MYO16: variants seen among roughly 807,000 people sequenced by gnomAD.
The protein encoded by MYO16 is unconventional myosin-XVI.
In MYO16, 94 loss-of-function variants were observed where a neutral mutation model predicts 205.3. The ratio of observed to expected loss-of-function variants is 0.46; its 90% CI spans 0.39 to 0.54. The LOEUF (loss-of-function observed/expected upper bound fraction) is 0.54. Ranked by LOEUF, MYO16 falls within the 20% of genes least tolerant of loss-of-function variation. MYO16 has a pLI of 0.00. For missense variants in MYO16, 2,315 were observed against 2,387.5 expected, an observed-to-expected ratio of 0.97 and a Z score of 0.63; for synonymous variants, 988 against 954.0, an observed-to-expected ratio of 1.04 and a Z score of -0.66.
the MYO16 span, among the ~76,000 whole-genome samples, chr13:108,558,662 C>T: frequency 2.8e-4 from 42 of 152,258 alleles, no homozygotes; most frequent in South Asian, 8.7e-3. Context: ...GAAATTTTTC[C>T]AACACCAGCT....
Position 109,127,859 on chromosome 13 carries a change from T to TAAAA in MYO16, c.4051+325_4051+328dup, listed in dbSNP as rs34317737. ...ATGTAAAGGTTCACCAATGAGAAAG[T>TAAAA]AAAAAAAAAAAAAAAAAAACTGCTT... On this transcript the variant is annotated intron_variant, in intron 31 of 34. Coordinates refer to ENST00000457511, the MANE Select transcript of MYO16 (RefSeq NM_001198950.3). The surrounding 1 kb of genome is among the most constrained non-coding windows in gnomAD (Gnocchi z 4.2). Among the ~76,000 whole-genome samples the TAAAA allele has an allele frequency of 1.5e-4, 20 of 132,634 alleles. No individual in the cohort carries two copies. Among genetic ancestry groups the TAAAA allele is most frequent in the African/African-American group, 2.0e-4 (7 of 35,418 alleles). 87.0% of individuals were successfully genotyped at this position (132,634 alleles called of 152,430 possible). A position where few individuals can be genotyped will look rare whatever the true frequency, so the allele number is the denominator to read the frequency against.
intron 12 of MYO16, among the ~76,000 whole-genome samples, chr13:108,877,920 A>G (rs1319453995): frequency 1.3e-5 from 2 of 152,218 alleles, no homozygotes; most frequent in East Asian, 3.8e-4. Context: ...GTACCATTCT[A>G]TATGCTTGTC....
In MYO16 at chr13:109,127,466, A is replaced by G; in HGVS notation, c.3967A>G (p.Lys1323Glu). Reference protein sequence around the residue: ...SPRKQPPPKPKRDPNTRLSAS... With the variant: ...SPRKQPPPKPERDPNTRLSAS... ...ACGGAAACAGCCCCCGCCCAAGCCAAAGAGGGACCCCAACACCCGGCTGAG... is the reference window on the plus strand; with the variant it reads ...ACGGAAACAGCCCCCGCCCAAGCCAGAGAGGGACCCCAACACCCGGCTGAG... Residue 1323 changes from lysine (K) to glutamate (E), a missense_variant, in exon 31 of 35, where the codon AAG becomes GAG. By Grantham distance (56) the Lys-to-Glu change is moderately conservative (BLOSUM62 1). Transcript: ENST00000457511. This position sits in a 1 kb window ranked among gnomAD's most constrained non-coding sequence, Gnocchi z 4.2. 1 of 1,613,962 alleles carries G rather than the reference A, an allele frequency of 6.2e-7. No homozygotes were observed. Among genetic ancestry groups the G allele is most frequent in the Non-Finnish European group, 8.5e-7 (1 of 1,179,978 alleles).
intron 22 of MYO16, among the ~76,000 whole-genome samples, chr13:109,012,259 G>A (rs908650733): frequency 7.2e-5 from 11 of 152,110 alleles, no homozygotes; most frequent in Non-Finnish European, 1.3e-4. Context: ...ACTGGTCCAC[G>A]GCCTGTGAGG....
chr13:108,880,691 C>G (rs1330230220), intron 12 of MYO16, among the ~76,000 whole-genome samples: 1 of 152,092 alleles, frequency 6.6e-6, no homozygotes, highest in African/African-American at 2.4e-5. Context: ...GGTATTATTT[C>G]CGGGGGCTCT....
At chr13:109,008,707 C>A (rs1885489228) in intron 21 of MYO16, among the ~76,000 whole-genome samples, 190 bp from the exon 22 acceptor site, 1 of 148,490 alleles carries the variant, frequency 6.7e-6, no homozygotes, top group Non-Finnish European at 1.5e-5. Flanking sequence ...TACTGTCTAT[C>A]TTGTGTATGC....
chr13:109,038,082 C>T (rs1224621539), intron 23 of MYO16, among the ~76,000 whole-genome samples: 1 of 152,180 alleles, frequency 6.6e-6, no homozygotes, highest in Non-Finnish European at 1.5e-5. Context: ...TTTCTGTAGA[C>T]AGTGAGGATT....
At position 109,125,133 on chromosome 13, in the gene MYO16, G is replaced by A. The variant is rs774397303; in HGVS notation, c.3557G>A (p.Arg1186His). Reference protein sequence around the residue: ...CQKVIRGFLARQHLLQRISIR... With the variant: ...CQKVIRGFLAHQHLLQRISIR... ...AAAGTTATCAGAGGATTTTTAGCAC[G>A]CCAGCACCTGCTTCAGAGAATAAGC... Residue 1186 changes from arginine to histidine, a missense_variant, in exon 30 of 35, where the codon CGC becomes CAC. Arg to His is a conservative substitution (Grantham distance 29). This residue lies in a region of MYO16 where 1,097 missense variants were observed against 1,092.0 expected (regional missense o/e 1.00). Coordinates refer to ENST00000457511, the MANE Select transcript of MYO16 (RefSeq NM_001198950.3). The surrounding 1 kb of genome is among the most constrained non-coding windows in gnomAD (Gnocchi z 4.0). 2.7e-5 allele frequency: 43 copies of A among 1,613,928 alleles called. No homozygotes were observed. Among genetic ancestry groups the A allele is most frequent in the Middle Eastern group, 1.6e-4 (1 of 6,084 alleles).
At chr13:108,689,504 T>C (rs1265314511) in intron 2 of MYO16, among the ~76,000 whole-genome samples, 1 of 152,120 alleles carries the variant, frequency 6.6e-6, no homozygotes, top group Non-Finnish European at 1.5e-5. Context: ...TTTACTTGAG[T>C]GACCCATAAG....
At chr13:108,691,429 A>G (rs1882892501) in intron 2 of MYO16, among the ~76,000 whole-genome samples, 2 of 152,106 alleles carry the variant, frequency 1.3e-5, no homozygotes, top group African/African-American at 4.8e-5. Flanking sequence ...AGAGAGAGAT[A>G]GAGAGAGAGA....
chr13:108,676,981 T>C (rs1007726402), intron 2 of MYO16, among the ~76,000 whole-genome samples: 1 of 152,116 alleles, frequency 6.6e-6, no homozygotes, highest in African/African-American at 2.4e-5. Context: ...TTCCTTGAAG[T>C]GTAATCTCTG....
chr13:109,127,416 A>T lies in MYO16; in HGVS notation c.3917A>T (p.Asp1306Val), dbSNP rs754734343. Reference sequence around the variant, plus strand: ...TCGCTGCACTCGGTGTTCAGCATGGATGACAGCAGCAGCCTCCCGTCTCCA... The same window carrying T: ...TCGCTGCACTCGGTGTTCAGCATGGTTGACAGCAGCAGCCTCCCGTCTCCA... The part of the protein sequence containing the change: ...SPSLHSVFSM[D>V]DSSSLPSPRK... The change falls in exon 31 of 35, where the codon GAT becomes GTT. Residue 1306 changes from aspartate (D) to valine (V), a missense_variant. Coordinates refer to ENST00000457511, the MANE Select transcript of MYO16 (RefSeq NM_001198950.3). The surrounding 1 kb of genome is among the most constrained non-coding windows in gnomAD (Gnocchi z 4.2). 1.9e-6 allele frequency: 3 copies of T among 1,613,998 alleles called. No homozygotes were observed. The highest frequency in any genetic ancestry group is 1.7e-6 in the Non-Finnish European group (2 of 1,180,000).
At chr13:109,042,719 T>C (rs1031027115) in intron 23 of MYO16, among the ~76,000 whole-genome samples, 10 of 152,212 alleles carry the variant, frequency 6.6e-5, no homozygotes, top group Admixed American at 6.5e-4. Flanking sequence ...GCTTTTAAAG[T>C]TGGAGGGCCC....
intron 4 of MYO16, among the ~76,000 whole-genome samples, chr13:108,738,985 T>TTTG (rs1884802571): frequency 6.6e-6 from 1 of 151,980 alleles, no homozygotes; most frequent in African/African-American, 2.4e-5. Flanking sequence ...TTTTCCATTT[T>TTTG]CTTGGTAGAT....
At chr13:108,540,698 C>A in the MYO16 span, among the ~76,000 whole-genome samples, 1 of 152,060 alleles carries the variant, frequency 6.6e-6, no homozygotes, top group South Asian at 2.1e-4. Context: ...ACACCAATTT[C>A]TTCAACTGCT....
rs1017073285 is a variant in MYO16, at chr13:109,162,147, T to C, written c.5165-2754T>C. Among the ~76,000 whole-genome samples the C allele has an allele frequency of 6.6e-6, 1 of 152,044 alleles. No homozygotes were observed. The highest frequency in any genetic ancestry group is 1.5e-5 in the Non-Finnish European group (1 of 68,006). On this transcript the variant is annotated intron_variant, in intron 32 of 34. Coordinates refer to ENST00000457511, the MANE Select transcript of MYO16 (RefSeq NM_001198950.3). The surrounding 1 kb of genome is among the most constrained non-coding windows in gnomAD (Gnocchi z 4.6). ...ATAGTTTAACCTGCCAATTGAAAAA[T>C]AGAAATACGTTTAAACTTTAATTGC...
chr13:109,105,067 A>G (rs538816257), intron 28 of MYO16, among the ~76,000 whole-genome samples: 3 of 152,340 alleles, frequency 2.0e-5, no homozygotes, highest in South Asian at 2.1e-4. Flanking sequence ...AGCCAGAGAA[A>G]GACACAGGAC....
At chr13:109,013,618 C>T (rs938892649) in intron 22 of MYO16, among the ~76,000 whole-genome samples, 1 of 152,218 alleles carries the variant, frequency 6.6e-6, no homozygotes, top group East Asian at 1.9e-4. Flanking sequence ...CACGTCCTCT[C>T]CAGCACCTGT....
At chr13:109,051,696 A>T (rs1296425547) in intron 24 of MYO16, among the ~76,000 whole-genome samples, 3 of 152,216 alleles carry the variant, frequency 2.0e-5, no homozygotes, top group African/African-American at 7.2e-5. Context: ...TTTGATTTTT[A>T]TAACTTAAAC....
Sources: gnomAD v4.1 joint callset for allele counts (sites outside exome capture counted in the v4.1 genomes callset) on GRCh38, gnomAD v4.1.1 for gene constraint, gnomAD v4.1.1 regional missense constraint, Gnocchi (gnomAD v3.1) non-coding constraint, MANE v1.5 for transcripts, NCBI Gene and HGNC (gene_info 2026-07-23, HGNC 2026-07-21) for gene names.